ADAMTS14: variants seen among roughly 807,000 people sequenced by gnomAD.
The protein encoded by ADAMTS14 is ADAM metallopeptidase with thrombospondin type 1 motif 14, also known as A disintegrin and metalloproteinase with thrombospondin motifs 14.
A neutral mutation model predicts 128.6 loss-of-function variants in ADAMTS14; 100 were observed. That is an observed-to-expected ratio of 0.78 (90% CI 0.66 to 0.92). ADAMTS14 has a LOEUF of 0.92. Among genes scored for constraint, ADAMTS14 ranks in the 40% least tolerant of loss-of-function variants. The probability of loss-of-function intolerance (pLI) is 0.00; values close to 1 mark genes in which losing one functional copy is unlikely to be tolerated. For synonymous variants in ADAMTS14, 665 were observed against 653.8 expected (o/e 1.02, Z -0.26); for missense variants, 1,562 against 1,658.6 (o/e 0.94, Z 1.01).
rs764725837 is a variant in ADAMTS14 at position 70,758,030 on chromosome 10, C to A, written c.3006C>A (p.Leu1002=). The change falls in exon 20 of 22, where the codon CTC becomes CTA. Residue 1002 remains leucine, a synonymous_variant. Transcript: ENST00000373207. ...TGTGCAGGACCAACGCCAACAGCCT[C>A]GGGCATTGCGAGGGGGATAGGCCAG... ...QVVCRTNANS[L]GHCEGDRPDT... The A allele has an allele frequency of 3.1e-6, 5 of 1,613,492 alleles. No homozygotes were observed. Among genetic ancestry groups the A allele is most frequent in the Non-Finnish European group, 8.5e-7 (1 of 1,179,900 alleles).
chr10:70,745,317 G>A lies in ADAMTS14; in HGVS notation c.2263+11G>A. 6.2e-7 allele frequency: 1 copy of A among 1,612,234 alleles called. No homozygotes were observed. Among genetic ancestry groups the A allele is most frequent in the African/African-American group, 1.3e-5 (1 of 75,004 alleles). ...CCCCCCACCGCATTGGTGAGTGCTG[G>A]GGTGCTGGGAGGGGACAGCAGGGCC... On this transcript the variant is annotated intron_variant, in intron 15 of 21. Transcript: ENST00000373207.
intron 4 of ADAMTS14, among the ~76,000 whole-genome samples, chr10:70,727,854 G>A (rs1841493838): frequency 6.6e-6 from 1 of 152,152 alleles, no homozygotes; most frequent in South Asian, 2.1e-4. Context: ...CCAGCACTTT[G>A]GGAGGCTGAG....
rs369069922 is a variant in ADAMTS14 at position 70,745,299 on chromosome 10, C to T, written c.2256C>T (p.His752=). 23 of 1,612,448 alleles carry T rather than the reference C, an allele frequency of 1.4e-5. No individual in the cohort carries two copies. The African/African-American group carries it at 2.5e-4, about 18-fold the overall frequency. ...TTGAGGCACTGGAGAAGTCCCCCCACCGCATTGGTGAGTGCTGGGGTGCTG... is the reference window on the plus strand; with the variant it reads ...TTGAGGCACTGGAGAAGTCCCCCCATCGCATTGGTGAGTGCTGGGGTGCTG... ...IQIEALEKSP[H]RIVVKNQVTG... Residue 752 remains histidine (H), a synonymous_variant, in exon 15 of 22, where the codon CAC becomes CAT. Coordinates refer to ENST00000373207, the MANE Select transcript of ADAMTS14 (RefSeq NM_080722.4).
At chr10:70,712,434 G>A (rs1299448399) in intron 4 of ADAMTS14, among the ~76,000 whole-genome samples, 2 of 152,232 alleles carry the variant, frequency 1.3e-5, no homozygotes, top group African/African-American at 4.8e-5. Context: ...GACTCTCATA[G>A]AGAAATAAAA....
At chr10:70,698,449 C>T (rs1272413458) in intron 2 of ADAMTS14, among the ~76,000 whole-genome samples, 1 of 152,210 alleles carries the variant, frequency 6.6e-6, no homozygotes, top group African/African-American at 2.4e-5. Flanking sequence ...TGGGCCAAAC[C>T]TCTCATTGTG....
chr10:70,714,730 C>G (rs1303613737), intron 4 of ADAMTS14, among the ~76,000 whole-genome samples: 1 of 151,968 alleles, frequency 6.6e-6, no homozygotes, highest in Admixed American at 6.6e-5. Flanking sequence ...GGTGTATCAC[C>G]TAAGGTCAGG....
At chr10:70,754,833 A>G (rs1842442104) in intron 19 of ADAMTS14, among the ~76,000 whole-genome samples, 1 of 152,218 alleles carries the variant, frequency 6.6e-6, no homozygotes, top group African/African-American at 2.4e-5. Context: ...CAGTCAGGGT[A>G]GCGAAGGGGA....
At position 70,753,816 on chromosome 10, in the gene ADAMTS14, T is replaced by G. The variant is rs1210342820; in HGVS notation, c.2746T>G (p.Trp916Gly). ...TGTTTCCAGGTGGGTGACGGAGGAG[T>G]GGGGTGCCTGCAGCCGGAGCTGTGG... is the stretch of plus-strand genomic sequence containing the variant. ...CSQPVWVTEE[W>G]GACSRSCGKL... is the part of the protein sequence containing the mutation. The change falls in exon 19 of 22, where the codon TGG (tryptophan) becomes GGG (glycine). Residue 916 changes from tryptophan to glycine, a missense_variant. Coordinates refer to ENST00000373207, the MANE Select transcript of ADAMTS14 (RefSeq NM_080722.4). The G allele has an allele frequency of 5.7e-6, 9 of 1,582,800 alleles. No individual in the cohort carries two copies. Among genetic ancestry groups the G allele is most frequent in the Admixed American group, 1.8e-5 (1 of 54,650 alleles).
Position 70,744,203 on chromosome 10 carries a change from G to A in ADAMTS14, c.2182+14G>A. On this transcript the variant is annotated intron_variant, in intron 14 of 21. Transcript: ENST00000373207. Reference sequence around the variant, plus strand: ...CCAAGCAGGCAGGTGAGCCGGGCTGGGGCTGGGGGGATGACGAGGGCTGAC... The same window carrying A: ...CCAAGCAGGCAGGTGAGCCGGGCTGAGGCTGGGGGGATGACGAGGGCTGAC... 6.6e-7 allele frequency: 1 copy of A among 1,509,792 alleles called. No individual in the cohort carries two copies. The highest frequency in any genetic ancestry group is 2.5e-5 in the East Asian group (1 of 40,088). 93.5% of individuals were successfully genotyped at this position (1,509,792 alleles called of 1,614,324 possible). A position where few individuals can be genotyped will look rare whatever the true frequency, so the allele number is the denominator to read the frequency against.
intron 15 of ADAMTS14, among the ~76,000 whole-genome samples, chr10:70,746,623 C>T (rs1842186949): frequency 6.6e-6 from 1 of 152,208 alleles, no homozygotes; most frequent in East Asian, 1.9e-4. Flanking sequence ...GCCTGGGGAA[C>T]ATGGTGAAAT....
At chr10:70,689,537 G>T (rs1194107438) in intron 2 of ADAMTS14, among the ~76,000 whole-genome samples, 2 of 145,314 alleles carry the variant, frequency 1.4e-5, no homozygotes, top group Non-Finnish European at 3.1e-5. Context: ...GTACAGAACG[G>T]GTCCTGTGTG....
chr10:70,741,914 T>C (rs1842012653), intron 12 of ADAMTS14, among the ~76,000 whole-genome samples: 1 of 152,126 alleles, frequency 6.6e-6, no homozygotes, highest in Non-Finnish European at 1.5e-5. Context: ...GATTCCAGCT[T>C]TCCCCTGCCA....
intron 19 of ADAMTS14, among the ~76,000 whole-genome samples, chr10:70,756,920 G>A (rs1056557911): frequency 1.1e-4 from 16 of 152,152 alleles, no homozygotes; most frequent in African/African-American, 3.4e-4. Flanking sequence ...AGCCCCTTAT[G>A]AGACTGACTG....
chr10:70,729,231 C>A, intron 4 of ADAMTS14, 63 bp from the exon 5 acceptor site: 1 of 1,415,212 alleles, frequency 7.1e-7, no homozygotes, highest in Admixed American at 1.7e-5. Flanking sequence ...TACCCCAGTA[C>A]CTGGCATGCA....
At chr10:70,739,087 A>C in intron 11 of ADAMTS14, 97 bp downstream of exon 11, 1 of 1,420,538 alleles carries the variant, frequency 7.0e-7, no homozygotes. Context: ...GCAGGAGAGA[A>C]GGGCCCCTGT....
rs1839596333 is a variant in ADAMTS14, at chr10:70,674,851, GT to G, written c.380del (p.Leu127TrpfsTer2). On this transcript the variant is annotated frameshift_variant, in exon 2 of 22. Transcript: ENST00000373207. LOFTEE classifies it high-confidence loss of function. ...LHLRLRPNRRLVVPGSSVEWQ... is the reference protein window; with the variant it reads ...LHLRLRPNRRXVVPGSSVEWQ... ...ACTTGCGCCTGCGGCCCAATCGGAG[GT>G]TGGTAGTGCCAGGATCCTCAGTGGA... The G allele has an allele frequency of 6.2e-7, 1 of 1,613,966 alleles. No homozygotes were observed. The highest frequency in any genetic ancestry group is 8.5e-7 in the Non-Finnish European group (1 of 1,180,048).
At chr10:70,741,703 C>T (rs1161187040) in intron 12 of ADAMTS14, among the ~76,000 whole-genome samples, 8 of 152,160 alleles carry the variant, frequency 5.3e-5, no homozygotes, top group Non-Finnish European at 8.8e-5. Flanking sequence ...ATCTTCATAA[C>T]GACTCTCTAG....
At chr10:70,688,720 G>C (rs1440192446) in intron 2 of ADAMTS14, among the ~76,000 whole-genome samples, 131 of 91,238 alleles carry the variant, frequency 1.4e-3, no homozygotes, top group African/African-American at 4.3e-3. Flanking sequence ...AGTCAGGCGT[G>C]GCGGCGCGTG....
intron 4 of ADAMTS14, among the ~76,000 whole-genome samples, chr10:70,709,661 C>G (rs12255527): frequency 6.6e-6 from 1 of 151,924 alleles, no homozygotes; most frequent in Non-Finnish European, 1.5e-5. Context: ...CCACCATGCC[C>G]GGCTAATTTT....
Sources: allele counts gnomAD v4.1 joint callset (sites outside exome capture counted in the v4.1 genomes callset), GRCh38; gene constraint gnomAD v4.1.1; transcripts MANE v1.5; gene names NCBI Gene and HGNC (gene_info 2026-07-23, HGNC 2026-07-21).